RANBP2: variants seen among roughly 807,000 people sequenced by gnomAD.
RANBP2 encodes E3 SUMO-protein ligase RanBP2.
RANBP2 carries 57 observed loss-of-function variants against 303.6 expected under a neutral mutation model. The observed-to-expected ratio is 0.19, with a 90% CI of 0.15 to 0.23. The LOEUF (loss-of-function observed/expected upper bound fraction) is 0.23, where lower values mean the gene tolerates loss of function less well. Among genes scored for constraint, RANBP2 ranks in the 10% least tolerant of loss-of-function variants. The probability of loss-of-function intolerance (pLI) is 1.00; values close to 1 mark genes in which losing one functional copy is unlikely to be tolerated. For missense variants in RANBP2, 3,138 were observed against 3,780.8 expected, an observed-to-expected ratio of 0.83 and a Z score of 4.46; for synonymous variants, 1,167 against 1,301.5, an observed-to-expected ratio of 0.90 and a Z score of 2.23.
chr2:108,731,438 A>T lies in RANBP2; in HGVS notation c.369A>T (p.Lys123Asn). The T allele has an allele frequency of 6.2e-7, 1 of 1,611,574 alleles. No homozygotes were observed. The highest frequency in any genetic ancestry group is 1.3e-5 in the African/African-American group (1 of 74,954). ...RAKYWLERAA[K>N]LFPGSPAIYK... ...AATACTGGCTTGAAAGAGCAGCCAA[A>T]CTTTTCCCAGGAAGTCCTGCAATTT... is the stretch of plus-strand genomic sequence containing the variant. The change falls in exon 4 of 29, where the codon AAA becomes AAT. Residue 123 changes from lysine to asparagine, a missense_variant. Physicochemically the swap from Lys to Asn is moderately conservative, Grantham distance 94 (BLOSUM62 0). Coordinates refer to ENST00000283195, the MANE Select transcript of RANBP2 (RefSeq NM_006267.5).
At chr2:109,325,475 G>C in the RANBP2 span, among the ~76,000 whole-genome samples, 1 of 151,340 alleles carries the variant, frequency 6.6e-6, no homozygotes, top group African/African-American at 2.4e-5. Flanking sequence ...TGAGTAGATG[G>C]GACTACAGGC....
chr2:109,199,329 A>AATAAAATAAATAAAATAAAATAAAAT, the RANBP2 span, among the ~76,000 whole-genome samples: 9 of 1,074 alleles, frequency 8.4e-3, no homozygotes, highest in Admixed American at 0.033. Context: ...CTCAAAAAGT[A>AATAAAATAAATAAAATAAAATAAAAT]AAATGGAATG....
chr2:108,957,261 G>A, the RANBP2 span, among the ~76,000 whole-genome samples: 3 of 152,158 alleles, frequency 2.0e-5, no homozygotes, highest in East Asian at 1.9e-4. Context: ...GTTCACCTTC[G>A]CTTCGTGAGA....
the RANBP2 span, chr2:109,251,564 T>A: frequency 2.4e-5 from 19 of 804,446 alleles, no homozygotes; most frequent in Non-Finnish European, 3.8e-5. Context: ...TGTGTGGAGA[T>A]GGCGACTGGT....
chr2:109,006,267 C>T, the RANBP2 span, among the ~76,000 whole-genome samples: 3 of 151,968 alleles, frequency 2.0e-5, no homozygotes, highest in Non-Finnish European at 4.4e-5. Flanking sequence ...GATCTCGGCT[C>T]GCTGCAACCT....
Position 108,782,304 on chromosome 2 carries a change from T to C in RANBP2, c.8937T>C (p.Phe2979=). The part of the protein sequence containing the change: ...YRILMRRDQV[F]KVCANHVITK... ...TCCTAATGAGAAGAGACCAGGTTTT[T>C]AAAGTGTGTGCAAACCACGTTATTA... The change falls in exon 27 of 29, where the codon TTT becomes TTC. Residue 2979 remains phenylalanine (F), a synonymous_variant. Transcript: ENST00000283195. 6.2e-7 allele frequency: 1 copy of C among 1,614,178 alleles called. No individual in the cohort carries two copies. The highest frequency in any genetic ancestry group is 8.5e-7 in the Non-Finnish European group (1 of 1,180,016).
chr2:108,980,169 C>T, the RANBP2 span, among the ~76,000 whole-genome samples: 1 of 152,140 alleles, frequency 6.6e-6, no homozygotes, highest in Non-Finnish European at 1.5e-5. Context: ...CAACCTGATA[C>T]TTTACTATTT....
the RANBP2 span, among the ~76,000 whole-genome samples, chr2:109,273,198 C>T: frequency 6.6e-6 from 1 of 152,200 alleles, no homozygotes; most frequent in Admixed American, 6.5e-5. Context: ...AGATCCTAGG[C>T]CTGTCCTGAG....
chr2:108,853,908 T>C, the RANBP2 span, among the ~76,000 whole-genome samples: 8,153 of 120,288 alleles, frequency 0.068, 331 homozygotes, highest in African/African-American at 0.1. Context: ...TATTATATAT[T>C]ATATAGTATA....
downstream of RANBP2, chr2:108,788,980 A>G (rs528604346): frequency 3.3e-4 from 540 of 1,613,226 alleles, 4 homozygotes; most frequent in South Asian, 5.5e-3. Context: ...AAGTACCCTG[A>G]AACTTTACTG....
the RANBP2 span, among the ~76,000 whole-genome samples, chr2:109,334,346 T>G: frequency 7.5e-6 from 1 of 134,058 alleles, no homozygotes; most frequent in Non-Finnish European, 1.6e-5. Flanking sequence ...TGACAGTTTT[T>G]TTTTTTTCCT....
the RANBP2 span, among the ~76,000 whole-genome samples, chr2:108,877,814 G>C: frequency 2.6e-5 from 4 of 152,120 alleles, no homozygotes; most frequent in Non-Finnish European, 5.9e-5. Context: ...ATGAGAAAAG[G>C]GTTCTATAAT....
chr2:109,600,482 T>C, the RANBP2 span, among the ~76,000 whole-genome samples: 1 of 151,214 alleles, frequency 6.6e-6, no homozygotes, highest in Non-Finnish European at 1.5e-5. Context: ...ACTGCCAAAC[T>C]GCCCCTCAAA....
At chr2:109,490,651 C>T in the RANBP2 span, 2 of 1,506,302 alleles carry the variant, frequency 1.3e-6, no homozygotes, top group Non-Finnish European at 1.8e-6. Context: ...GGAGCATCCA[C>T]CAAGAAGAAG....
the RANBP2 span, among the ~76,000 whole-genome samples, chr2:109,468,864 A>G: frequency 6.6e-6 from 1 of 150,918 alleles, no homozygotes; most frequent in African/African-American, 2.4e-5. Flanking sequence ...AGAAAAAAAA[A>G]AAAAAAAAAA....
At chr2:108,877,345 G>C in the RANBP2 span, among the ~76,000 whole-genome samples, 14 of 151,838 alleles carry the variant, frequency 9.2e-5, no homozygotes, top group African/African-American at 2.9e-4. Flanking sequence ...GGGCACCTGT[G>C]ATCCTAGCTA....
the RANBP2 span, among the ~76,000 whole-genome samples, chr2:109,695,690 C>T: frequency 2.0e-5 from 3 of 152,246 alleles, no homozygotes; most frequent in Non-Finnish European, 4.4e-5. Flanking sequence ...CACCACTACA[C>T]GGAGAAATTG....
chr2:108,817,383 C>T, the RANBP2 span, among the ~76,000 whole-genome samples: 68 of 152,080 alleles, frequency 4.5e-4, no homozygotes, highest in Non-Finnish European at 8.2e-4. Context: ...GCCTCCACCT[C>T]CCGGGTTCAA....
chr2:109,467,588 A>G, the RANBP2 span, among the ~76,000 whole-genome samples: 2 of 152,312 alleles, frequency 1.3e-5, 1 homozygote, highest in Admixed American at 1.3e-4. Flanking sequence ...GCTAAGTCAA[A>G]ACTTGTCAAA....
Sources: allele counts gnomAD v4.1 joint callset (sites outside exome capture counted in the v4.1 genomes callset), GRCh38; gene constraint gnomAD v4.1.1; transcripts MANE v1.5; gene names NCBI Gene and HGNC (gene_info 2026-07-23, HGNC 2026-07-21).